ATG16L1: variants seen among roughly 807,000 people sequenced by gnomAD.
The protein encoded by ATG16L1 is autophagy related 16 like 1, also known as autophagy-related protein 16-1.
ATG16L1 carries 37 observed loss-of-function variants against 88.5 expected under a neutral mutation model. The ratio of observed to expected loss-of-function variants is 0.42; its 90% confidence interval spans 0.32 to 0.55. ATG16L1 has a LOEUF of 0.55. ATG16L1 is among the 20% of genes least tolerant of loss of function. The pLI is 0.13. For synonymous variants in ATG16L1, 301 were observed against 281.0 expected (o/e 1.07, Z -0.71); for missense variants, 554 against 752.8 (o/e 0.74, Z 3.09).
At chr2:233,273,274 C>G in intron 7 of ATG16L1, 1 of 544,418 alleles carries the variant, frequency 1.8e-6, no homozygotes, top group Admixed American at 3.3e-5. Flanking sequence ...CTTCTAAATA[C>G]AAAAAAATGT....
rs1238614651 is a variant in ATG16L1, at chr2:233,290,244, T to C, written c.1325-4T>C. On this transcript the variant is annotated splice_polypyrimidine_tract_variant and splice_region_variant and intron_variant, in intron 13 of 17. Coordinates refer to ENST00000392017, the MANE Select transcript of ATG16L1 (RefSeq NM_030803.7). ...TTGATTAATGATGTTTGCATTTCTT[T>C]CAGGCATAAAGACAGTGTTTGCAGG... 8.7e-6 allele frequency: 14 copies of C among 1,613,844 alleles called. No homozygotes were observed. Among genetic ancestry groups the C allele is most frequent in the African/African-American group, 1.3e-5 (1 of 74,920 alleles).
At chr2:233,267,796 C>A (rs900446047) in intron 5 of ATG16L1, among the ~76,000 whole-genome samples, 2 of 152,000 alleles carry the variant, frequency 1.3e-5, no homozygotes, top group African/African-American at 4.8e-5. Flanking sequence ...AAGGAAGAGC[C>A]CCTGAGCAGT....
intron 2 of ATG16L1, among the ~76,000 whole-genome samples, chr2:233,257,491 A>G (rs960359091): frequency 3.3e-5 from 5 of 152,200 alleles, no homozygotes; most frequent in Admixed American, 2.6e-4. Context: ...GCTTTGTGTT[A>G]GATGATTTTG....
chr2:233,288,632 T>C (rs1426758387), intron 12 of ATG16L1: 1 of 414,934 alleles, frequency 2.4e-6, no homozygotes, highest in African/African-American at 2.1e-5. Context: ...TCTGAACCTC[T>C]GGTGTTTTAC....
At chr2:233,285,236 C>T (rs1698998052) in intron 12 of ATG16L1, among the ~76,000 whole-genome samples, 1 of 151,936 alleles carries the variant, frequency 6.6e-6, no homozygotes, top group Non-Finnish European at 1.5e-5. Context: ...GTAAAACTGA[C>T]CAATTATTGA....
chr2:233,292,456 G>A lies in ATG16L1; in HGVS notation c.1628+22G>A, dbSNP rs373257812. 4.1e-5 allele frequency: 66 copies of A among 1,611,990 alleles called. No individual in the cohort carries two copies. The African/African-American group carries it at 4.1e-4, about 10-fold the overall frequency. On this transcript the variant is annotated intron_variant, in intron 16 of 17. Coordinates refer to ENST00000392017, the MANE Select transcript of ATG16L1 (RefSeq NM_030803.7). ...TCAGGTTAGTAGTGACCCACCCCCC[G>A]CCAATTTGGTTCATCACAAAGAGTC...
At chr2:233,255,205 G>T (rs1045413040) in intron 1 of ATG16L1, among the ~76,000 whole-genome samples, 1 of 152,086 alleles carries the variant, frequency 6.6e-6, no homozygotes, top group Non-Finnish European at 1.5e-5. Context: ...ACCTCAGGTA[G>T]TTTGCCTTCC....
chr2:233,271,008 T>G (rs1697955031), intron 6 of ATG16L1, among the ~76,000 whole-genome samples: 1 of 152,200 alleles, frequency 6.6e-6, no homozygotes, highest in African/African-American at 2.4e-5. Context: ...ATATCATGCC[T>G]TTGCTTTAGA....
chr2:233,265,237 G>A, intron 5 of ATG16L1, 94 bp downstream of exon 5: 1 of 1,469,614 alleles, frequency 6.8e-7, no homozygotes, highest in Non-Finnish European at 9.2e-7. Flanking sequence ...AGTTACTACA[G>A]GAGGTTTACC....
intron 6 of ATG16L1, 38 bp downstream of exon 6, chr2:233,270,105 A>G (rs1216547930): frequency 5.9e-6 from 9 of 1,535,264 alleles, no homozygotes; most frequent in African/African-American, 2.8e-5. Context: ...GTGTTTCTGA[A>G]AATTTGGCTC....
At chr2:233,275,146 T>C (rs887186324) in intron 9 of ATG16L1, among the ~76,000 whole-genome samples, 1 of 152,186 alleles carries the variant, frequency 6.6e-6, no homozygotes, top group African/African-American at 2.4e-5. Context: ...GGAAGTTCAG[T>C]AGGACAGCTG....
At chr2:233,263,919 G>A (rs555401451) in intron 3 of ATG16L1, 73 bp from the exon 4 acceptor site, 186 of 1,431,336 alleles carry the variant, frequency 1.3e-4, no homozygotes, top group Non-Finnish European at 1.6e-4. Context: ...AAAATAAATC[G>A]CCACCCACTG....
chr2:233,258,633 A>G (rs1696980095), intron 2 of ATG16L1, among the ~76,000 whole-genome samples: 2 of 152,210 alleles, frequency 1.3e-5, no homozygotes, highest in South Asian at 2.1e-4. Context: ...ATATTCTTGT[A>G]TTCTTTATCT....
intron 5 of ATG16L1, among the ~76,000 whole-genome samples, chr2:233,267,827 C>G (rs1043579606): frequency 1.1e-4 from 16 of 152,194 alleles, no homozygotes; most frequent in Non-Finnish European, 1.8e-4. Flanking sequence ...GGGGGTAATG[C>G]ACATTTCCTA....
chr2:233,261,190 C>T (rs989250480), intron 2 of ATG16L1, among the ~76,000 whole-genome samples: 30 of 152,082 alleles, frequency 2.0e-4, no homozygotes, highest in African/African-American at 6.5e-4. Context: ...CTCCTGACCT[C>T]GTGATCCGCC....
chr2:233,275,376 G>C (rs752106468), intron 9 of ATG16L1: 4 of 256,602 alleles, frequency 1.6e-5, no homozygotes, highest in Non-Finnish European at 3.1e-5. Flanking sequence ...GCTCAGAACT[G>C]TCAAAGCATG....
chr2:233,252,907 A>G (rs988686358), intron 1 of ATG16L1, among the ~76,000 whole-genome samples: 1 of 152,158 alleles, frequency 6.6e-6, no homozygotes, highest in African/African-American at 2.4e-5. Flanking sequence ...GCTGTTGATG[A>G]TATTCAGAAT....
chr2:233,256,853 C>T (rs1696819913), intron 2 of ATG16L1, among the ~76,000 whole-genome samples: 1 of 151,884 alleles, frequency 6.6e-6, no homozygotes, highest in Admixed American at 6.6e-5. Flanking sequence ...AGGAACCCAC[C>T]ACCACACCTG....
In ATG16L1 at chr2:233,277,743, T is replaced by C. The variant is rs528607723; in HGVS notation, c.1060+70T>C. On this transcript the variant is annotated intron_variant, in intron 10 of 17. Transcript: ENST00000392017. ...GCACCCTTGCACTGCAGAAAGAAGCTGTGTTGCTGGCATCTGGTTGACCTT... is the reference window on the plus strand; with the variant it reads ...GCACCCTTGCACTGCAGAAAGAAGCCGTGTTGCTGGCATCTGGTTGACCTT... 4 of 1,388,324 alleles carry C rather than the reference T, an allele frequency of 2.9e-6. No individual in the cohort carries two copies. The South Asian group carries it at 3.5e-5, about 12-fold the overall frequency. 86.0% of individuals were successfully genotyped at this position (1,388,324 alleles called of 1,614,324 possible). A position where few individuals can be genotyped will look rare whatever the true frequency, so the allele number is the denominator to read the frequency against.
Sources: allele counts gnomAD v4.1 joint callset (sites outside exome capture counted in the v4.1 genomes callset), GRCh38; gene constraint gnomAD v4.1.1; transcripts MANE v1.5; gene names NCBI Gene and HGNC (gene_info 2026-07-23, HGNC 2026-07-21).